Variants in SEL1L3 observed in about 807,000 individuals in gnomAD.
SEL1L3 encodes protein sel-1 homolog 3.
In SEL1L3, 76 loss-of-function variants were observed where a neutral mutation model predicts 142.8. That is an observed-to-expected ratio of 0.53 (90% CI 0.44 to 0.64). The LOEUF (loss-of-function observed/expected upper bound fraction) is 0.64, where lower values mean the gene tolerates loss of function less well. Ranked by LOEUF, SEL1L3 falls within the 30% of genes least tolerant of loss-of-function variation. The pLI, the probability that SEL1L3 is intolerant of heterozygous loss-of-function variation, is 0.00. For missense variants in SEL1L3, 1,262 were observed against 1,381.7 expected (o/e 0.91, Z 1.37); for synonymous variants, 504 against 519.6 (o/e 0.97, Z 0.41).
Position 25,790,550 on chromosome 4 carries a change from T to G in SEL1L3, c.1981A>C (p.Lys661Gln). The change falls in exon 12 of 24, where the codon AAA (lysine) becomes CAA (glutamine). Residue 661 changes from lysine to glutamine, a missense_variant. Lys to Gln is a moderately conservative substitution (Grantham distance 53). Transcript: ENST00000399878. ...DQAYVETIRL[K>Q]DDEILKVQTK... ...TGTACCTTGAGTATTTCATCATCTT[T>G]TAGTCTAATTGTTTCAACATATGCC... 1 of 1,611,864 alleles carries G rather than the reference T, an allele frequency of 6.2e-7. No homozygotes were observed. The highest frequency in any genetic ancestry group is 8.5e-7 in the Non-Finnish European group (1 of 1,178,666).
At chr4:25,822,308 G>A (rs924622203) in intron 6 of SEL1L3, among the ~76,000 whole-genome samples, 180 bp from the exon 7 acceptor site, 5 of 152,190 alleles carry the variant, frequency 3.3e-5, no homozygotes, top group African/African-American at 9.6e-5. Flanking sequence ...CAATTCTGCT[G>A]TTTACCAGCT....
chr4:25,720,819 T>C, the SEL1L3 span: 1 of 152,220 alleles, frequency 6.6e-6, no homozygotes, highest in African/African-American at 2.4e-5. Flanking sequence ...TTGAAGTATC[T>C]GCTTTTGACT....
At chr4:25,809,050 G>A (rs1471476735) in intron 9 of SEL1L3, among the ~76,000 whole-genome samples, 2 of 143,484 alleles carry the variant, frequency 1.4e-5, no homozygotes, top group Non-Finnish European at 1.5e-5. Flanking sequence ...TCCAGCCTGG[G>A]CGACAGAGTG....
At chr4:25,727,464 C>T in the SEL1L3 span, among the ~76,000 whole-genome samples, 11 of 152,200 alleles carry the variant, frequency 7.2e-5, no homozygotes, top group Non-Finnish European at 1.0e-4. Flanking sequence ...CCATCGCACT[C>T]TTGAAATGTT....
At chr4:25,853,053 G>A (rs1164804511) in intron 1 of SEL1L3, among the ~76,000 whole-genome samples, 2 of 152,128 alleles carry the variant, frequency 1.3e-5, no homozygotes, top group Non-Finnish European at 2.9e-5. Context: ...TTTGTTTGAT[G>A]GTCCATGCTT....
intron 23 of SEL1L3, among the ~76,000 whole-genome samples, chr4:25,749,010 C>G (rs1450111408): frequency 6.6e-6 from 1 of 152,090 alleles, no homozygotes; most frequent in African/African-American, 2.4e-5. Context: ...AAAGCCACTA[C>G]TCTGGCAGGT....
intron 13 of SEL1L3, among the ~76,000 whole-genome samples, chr4:25,784,795 T>C (rs752266215): frequency 4.6e-5 from 7 of 152,204 alleles, no homozygotes; most frequent in Non-Finnish European, 8.8e-5. Flanking sequence ...GGCAGCAGAA[T>C]TGGTTGCCTC....
chr4:25,856,813 T>C (rs2109324555), intron 1 of SEL1L3, among the ~76,000 whole-genome samples: 1 of 152,308 alleles, frequency 6.6e-6, no homozygotes, highest in East Asian at 1.9e-4. Flanking sequence ...TAAGAAGAGA[T>C]GCTATTCAAA....
intron 19 of SEL1L3, among the ~76,000 whole-genome samples, chr4:25,767,296 C>A (rs148934123): frequency 1.4e-4 from 21 of 152,054 alleles, no homozygotes; most frequent in African/African-American, 4.3e-4. Flanking sequence ...AAATAAAAAT[C>A]AAAAAATAAG....
chr4:25,727,358 T>G, the SEL1L3 span, among the ~76,000 whole-genome samples: 12 of 152,164 alleles, frequency 7.9e-5, no homozygotes, highest in African/African-American at 2.9e-4. Context: ...GCCCCAAATT[T>G]CCTCTTCTAA....
At chr4:25,815,207 G>T (rs2109248147) in intron 9 of SEL1L3, among the ~76,000 whole-genome samples, 1 of 152,310 alleles carries the variant, frequency 6.6e-6, no homozygotes, top group South Asian at 2.1e-4. Context: ...GGCACCAGAA[G>T]ACCCCAATGG....
At chr4:25,787,411 C>T (rs1005931356) in intron 13 of SEL1L3, among the ~76,000 whole-genome samples, 2 of 152,160 alleles carry the variant, frequency 1.3e-5, no homozygotes, top group Non-Finnish European at 2.9e-5. Flanking sequence ...ACCTCTGCCT[C>T]CCAGGTTCAA....
chr4:25,740,873 C>T, the SEL1L3 span, among the ~76,000 whole-genome samples: 21 of 152,108 alleles, frequency 1.4e-4, no homozygotes, highest in South Asian at 4.4e-3. Context: ...CAACCTCTGC[C>T]TCCTGGGTTC....
chr4:25,804,858 T>TCG (rs1419170584), intron 9 of SEL1L3, 106 bp from the exon 10 acceptor site: 1 of 832,440 alleles, frequency 1.2e-6, no homozygotes, highest in Non-Finnish European at 2.0e-6. Flanking sequence ...ATTGATATGG[T>TCG]CGGTCCTGCA....
intron 1 of SEL1L3, among the ~76,000 whole-genome samples, chr4:25,856,756 T>C (rs1416921927): frequency 1.2e-4 from 18 of 152,198 alleles, no homozygotes; most frequent in Non-Finnish European, 1.5e-5. Context: ...CAATATGACC[T>C]AAACTTCTTT....
chr4:25,779,027 A>G (rs1288494632), intron 16 of SEL1L3, 49 bp downstream of exon 16: 2 of 1,594,262 alleles, frequency 1.3e-6, no homozygotes, highest in Non-Finnish European at 1.7e-6. Flanking sequence ...GGCACAGAGA[A>G]TATAGGATAT....
intron 9 of SEL1L3, among the ~76,000 whole-genome samples, chr4:25,806,372 G>A (rs1370952909): frequency 6.6e-6 from 1 of 151,894 alleles, no homozygotes; most frequent in Non-Finnish European, 1.5e-5. Flanking sequence ...GAGGCAACGA[G>A]AGAGACTCAC....
intron 23 of SEL1L3, among the ~76,000 whole-genome samples, chr4:25,749,018 G>A (rs1236852949): frequency 6.6e-6 from 1 of 152,184 alleles, no homozygotes; most frequent in African/African-American, 2.4e-5. Flanking sequence ...TACTCTGGCA[G>A]GTGATCTAGT....
intron 9 of SEL1L3, among the ~76,000 whole-genome samples, chr4:25,816,429 C>T (rs1487909124): frequency 3.3e-5 from 5 of 152,148 alleles, no homozygotes; most frequent in African/African-American, 1.2e-4. Context: ...AGCCTCCTGC[C>T]TACTTGTCCT....
Sources: allele counts gnomAD v4.1 joint callset (sites outside exome capture counted in the v4.1 genomes callset), GRCh38; gene constraint gnomAD v4.1.1; transcripts MANE v1.5; gene names NCBI Gene and HGNC (gene_info 2026-07-23, HGNC 2026-07-21).